The following CEP350 variants were observed in gnomAD, a reference collection of about 807,000 sequenced individuals.
The protein encoded by CEP350 is centrosome-associated protein 350.
A neutral mutation model predicts 331.8 loss-of-function variants in CEP350; 126 were observed. The ratio of observed to expected loss-of-function variants is 0.38; its 90% CI spans 0.33 to 0.44. The LOEUF (loss-of-function observed/expected upper bound fraction) is 0.44, where lower values mean the gene tolerates loss of function less well. Among genes scored for constraint, CEP350 ranks in the 20% least tolerant of loss-of-function variants. CEP350 has a pLI of 1.00. For synonymous variants in CEP350, 1,200 were observed against 1,259.5 expected (o/e 0.95, Z 1.00); for missense variants, 3,406 against 3,634.6 (o/e 0.94, Z 1.62).
rs758457003 is a variant in CEP350 at position 180,094,245 on chromosome 1, A to G, written c.8140A>G (p.Lys2714Glu). 2.7e-5 allele frequency: 44 copies of G among 1,613,162 alleles called. No homozygotes were observed. In the East Asian group the frequency reaches 9.8e-4, roughly 36 times the overall value. The change falls in exon 34 of 38, where the codon AAG becomes GAG. Residue 2714 changes from lysine to glutamate, a missense_variant. Transcript: ENST00000367607. ...EDNLYAEASEKLCTPLLDLLT... is the reference protein window; with the variant it reads ...EDNLYAEASEELCTPLLDLLT... ...CAACCTATATGCTGAAGCTTCAGAA[A>G]AGCTTTGTACACCACTTCTGGATCT...
intron 7 of CEP350, among the ~76,000 whole-genome samples, chr1:180,004,848 C>A (rs992017176): frequency 5.3e-5 from 8 of 151,330 alleles, no homozygotes; most frequent in Non-Finnish European, 1.2e-4. Context: ...CCTCAGTCCT[C>A]AGAGCTTGGG....
In CEP350 at chr1:180,090,791, A is replaced by G. The variant is rs1040338238; in HGVS notation, c.6503A>G (p.His2168Arg). 13 of 1,538,042 alleles carry G rather than the reference A, an allele frequency of 8.5e-6. No homozygotes were observed. Among genetic ancestry groups the G allele is most frequent in the Non-Finnish European group, 1.1e-5 (12 of 1,139,766 alleles). ...GGATCCCTGGAGTCTATTGCTGAAC[A>G]TGTTGGTATGTAACTAGAAAAAATA... ...SRGSLESIAE[H>R]VDASLSGSER... Residue 2168 changes from histidine (H) to arginine (R), a missense_variant, in exon 33 of 38, where the codon CAT (histidine) becomes CGT (arginine). Around this residue, in one of 5 missense-constraint regions of CEP350, gnomAD observed 1,415 missense variants for 1,512.3 expected, o/e 0.94. Transcript: ENST00000367607.
At chr1:180,024,687 G>A in intron 14 of CEP350, 105 bp downstream of exon 14, 1 of 1,248,206 alleles carries the variant, frequency 8.0e-7, no homozygotes, top group Non-Finnish European at 1.1e-6. Flanking sequence ...ATTTCTTATG[G>A]TAATGTAATT....
chr1:180,074,893 GAGAGA>G (rs1400011939), intron 27 of CEP350, 124 bp from the exon 28 acceptor site: 56 of 681,488 alleles, frequency 8.2e-5, no homozygotes, highest in Middle Eastern at 2.7e-4. Flanking sequence ...GCTTTTTTCA[GAGAGA>G]AGAGTAGTAT....
intron 8 of CEP350, among the ~76,000 whole-genome samples, chr1:180,007,880 T>TGTGTG (rs1654368588): frequency 2.3e-5 from 1 of 43,600 alleles, no homozygotes; most frequent in Non-Finnish European, 6.1e-5. Context: ...GTGTGTGTGT[T>TGTGTG]AAGGGGTAAT....
chr1:180,101,371 T>C (rs1660797525), intron 37 of CEP350, among the ~76,000 whole-genome samples: 1 of 152,182 alleles, frequency 6.6e-6, no homozygotes, highest in African/African-American at 2.4e-5. Flanking sequence ...TCCTCTCCCA[T>C]AATTAGATTT....
chr1:180,065,750 C>T (rs916160694), intron 27 of CEP350, among the ~76,000 whole-genome samples: 2 of 151,844 alleles, frequency 1.3e-5, no homozygotes, highest in African/African-American at 4.8e-5. Flanking sequence ...AGAGCTAGAC[C>T]CTGTCCCCCC....
chr1:180,004,330 C>G (rs1029085511), intron 7 of CEP350, among the ~76,000 whole-genome samples: 1 of 152,152 alleles, frequency 6.6e-6, no homozygotes. Flanking sequence ...AAGACTAACC[C>G]ATCTACTTGT....
Position 180,065,545 on chromosome 1 carries a change from G to T in CEP350, c.5567+273G>T, listed in dbSNP as rs551393576. Among the ~76,000 whole-genome samples, 52 of 152,156 alleles carry T rather than the reference G, an allele frequency of 3.4e-4. 1 individual carries two copies. The highest frequency in any genetic ancestry group is 1.2e-3 in the African/African-American group (50 of 41,528). On this transcript the variant is annotated intron_variant, in intron 27 of 37. Transcript: ENST00000367607. ...ACCTATAATCCCAGCACTTTGAGAA[G>T]CTGAGGCAGGAGGATCATCTGAGCC...
rs757456715 is a variant in CEP350 at position 180,014,141 on chromosome 1, C to A, written c.1688C>A (p.Pro563His). ...AAGTCATCAGCACCAGTACATGCTC[C>A]TAGGAGTCACAGCCCAGTAAAAAGA... ...NQKSSAPVHA[P>H]RSHSPVKRKP... Residue 563 changes from proline (P) to histidine (H), a missense_variant, in exon 10 of 38, where the codon CCT (proline) becomes CAT (histidine). By Grantham distance (77) the Pro-to-His change is moderately conservative. Coordinates refer to ENST00000367607, the MANE Select transcript of CEP350 (RefSeq NM_014810.5). 1.9e-6 allele frequency: 3 copies of A among 1,609,222 alleles called. No homozygotes were observed. In the Admixed American group the frequency reaches 5.1e-5, roughly 27 times the overall value.
chr1:180,047,056 A>G (rs1360677575), intron 21 of CEP350, among the ~76,000 whole-genome samples: 1 of 152,258 alleles, frequency 6.6e-6, no homozygotes, highest in East Asian at 1.9e-4. Context: ...CAGTATGAAC[A>G]CAGGGACAGA....
In CEP350 at chr1:180,113,698, TC is replaced by T. The variant is rs1661553978; in HGVS notation, c.*2538del. 2 of 149,492 alleles carry T rather than the reference TC, an allele frequency of 1.3e-5. No individual in the cohort carries two copies. Among genetic ancestry groups the T allele is most frequent in the South Asian group, 4.3e-4 (2 of 4,632 alleles). 9.3% of individuals were successfully genotyped at this position (149,492 alleles called of 1,614,324 possible). A position where few individuals can be genotyped will look rare whatever the true frequency, so the allele number is the denominator to read the frequency against. On this transcript the variant is annotated 3_prime_UTR_variant, in exon 38 of 38. Transcript: ENST00000367607. ...CCCAGCCACTCGTTCCATATTGGTA[TC>T]TTTTTAAATCAGCTCTGCCTCTTAA...
intron 1 of CEP350, among the ~76,000 whole-genome samples, chr1:179,975,245 TTTGC>T (rs1042359865): frequency 1.3e-5 from 2 of 152,112 alleles, no homozygotes; most frequent in East Asian, 1.9e-4. Flanking sequence ...GTTATACAGT[TTTGC>T]TTAAAAAAAA....
intron 14 of CEP350, among the ~76,000 whole-genome samples, chr1:180,026,146 C>T (rs1469315733): frequency 2.6e-5 from 4 of 151,940 alleles, no homozygotes; most frequent in Admixed American, 1.3e-4. Context: ...TGGTGGGTGC[C>T]TATAATCCCA....
At position 179,963,292 on chromosome 1, in the gene CEP350, A is replaced by G. The variant is rs924708603; in HGVS notation, c.-14+8150A>G. Among the ~76,000 whole-genome samples the G allele has an allele frequency of 4.0e-5, 6 of 151,614 alleles. No individual in the cohort carries two copies. The South Asian group carries it at 6.2e-4, about 16-fold the overall frequency. On this transcript the variant is annotated intron_variant, in intron 1 of 37. Coordinates refer to ENST00000367607, the MANE Select transcript of CEP350 (RefSeq NM_014810.5). ...TCTTTACTTTGTTGATTCTTTTGCT[A>G]TGTAGAAGCTTTTTAGTTTAATTAA...
At chr1:180,099,780 A>ATTTTTT (rs200255438) in intron 37 of CEP350, among the ~76,000 whole-genome samples, 25 of 119,526 alleles carry the variant, frequency 2.1e-4, no homozygotes, top group Middle Eastern at 4.1e-3. Flanking sequence ...GCCTTATTTG[A>ATTTTTT]TTTTTTTTTT....
intron 22 of CEP350, among the ~76,000 whole-genome samples, chr1:180,049,012 G>A (rs2148951108): frequency 6.6e-6 from 1 of 152,262 alleles, no homozygotes; most frequent in South Asian, 2.1e-4. Context: ...AGTCTACAGT[G>A]AGCTATGATT....
chr1:180,011,713 G>C (rs1177166207), intron 8 of CEP350, among the ~76,000 whole-genome samples: 1 of 152,138 alleles, frequency 6.6e-6, no homozygotes, highest in Admixed American at 6.5e-5. Flanking sequence ...AACTTTCAAA[G>C]CATTTTACAT....
At position 180,043,067 on chromosome 1, in the gene CEP350, G is replaced by T; in HGVS notation, c.4374G>T (p.Leu1458Phe). 6.2e-7 allele frequency: 1 copy of T among 1,612,992 alleles called. No homozygotes were observed. The highest frequency in any genetic ancestry group is 1.1e-5 in the South Asian group (1 of 90,962). ...AARQICEMAE[L>F]TRTHISDAVV... ...GTGTTCATGTTTAGATGGCAGAGTT[G>T]ACTAGAACTCATATCTCAGATGCTG... Residue 1458 changes from leucine (L) to phenylalanine (F), a missense_variant, in exon 20 of 38, where the codon TTG (leucine) becomes TTT (phenylalanine). Leu to Phe is a conservative substitution (Grantham distance 22, BLOSUM62 0). Transcript: ENST00000367607.
Sources: allele counts gnomAD v4.1 joint callset (sites outside exome capture counted in the v4.1 genomes callset), GRCh38; gene constraint gnomAD v4.1.1; regional missense constraint gnomAD v4.1.1; transcripts MANE v1.5; gene names NCBI Gene and HGNC (gene_info 2026-07-23, HGNC 2026-07-21).